Variants in PCARE observed in about 807,000 individuals in gnomAD.
PCARE encodes uncharacterized protein C2orf71.
Under a neutral mutation model 82.2 loss-of-function variants are expected in PCARE, and 72 were observed. That is an observed-to-expected ratio of 0.88 (90% CI 0.72 to 1.07). The LOEUF (loss-of-function observed/expected upper bound fraction) is 1.07. Ranked by LOEUF, PCARE falls within the 50% of genes least tolerant of loss-of-function variation. The pLI is 0.00. For synonymous variants in PCARE, 705 were observed against 634.8 expected, an observed-to-expected ratio of 1.11 and a Z score of -1.66; for missense variants, 1,768 against 1,592.4, an observed-to-expected ratio of 1.11 and a Z score of -1.88.
At position 29,063,121 on chromosome 2, in the gene PCARE, G is replaced by A. The variant is rs114193888; in HGVS notation, c.*1748C>T. ...ATTTAGGGAGAATGCCCAGATCTCT[G>A]TCGGGCAAGTTTGCTGAACCTGGTC... On this transcript the variant is annotated 3_prime_UTR_variant, in exon 2 of 2. Coordinates refer to ENST00000331664, the MANE Select transcript of PCARE (RefSeq NM_001029883.3). 2,187 of 152,478 alleles carry A rather than the reference G, an allele frequency of 0.014. 26 individuals carry two copies. The highest frequency in any genetic ancestry group is 0.057 in the South Asian group (275 of 4,832). 9.4% of individuals were successfully genotyped at this position (152,478 alleles called of 1,614,324 possible).
chr2:29,074,025 T>G lies in PCARE; in HGVS notation c.237A>C (p.Gly79=). 6.2e-7 allele frequency: 1 copy of G among 1,614,196 alleles called. No homozygotes were observed. ...CTTTCCTTTTGCCTGAAGCAGGATCTCCCATGAGCTGACAAAGACCTTTAG... is the reference window on the plus strand; with the variant it reads ...CTTTCCTTTTGCCTGAAGCAGGATCGCCCATGAGCTGACAAAGACCTTTAG... ...TTAKGLCQLM[G]DPASGKRKDM... Residue 79 remains glycine, a synonymous_variant, in exon 1 of 2, where the codon GGA becomes GGC. Transcript: ENST00000331664.
Position 29,072,527 on chromosome 2 carries a change from T to G in PCARE, c.1735A>C (p.Ser579Arg). ...GCCCTCCTGCTGCCACTTACCGTGC[T>G]AGGTCTTGGGGGGACCACTGTCCTC... ...EGRTVVPPRP[S>R]TVSGSRRAPE... is the part of the protein sequence containing the mutation. The change falls in exon 1 of 2, where the codon AGC becomes CGC. Residue 579 changes from serine (S) to arginine (R), a missense_variant. Physicochemically the swap from Ser to Arg is moderately radical, Grantham distance 110 (BLOSUM62 -1). Transcript: ENST00000331664. The G allele has an allele frequency of 6.2e-7, 1 of 1,614,208 alleles. No homozygotes were observed. Among genetic ancestry groups the G allele is most frequent in the East Asian group, 2.2e-5 (1 of 44,878 alleles).
Position 29,073,482 on chromosome 2 carries a change from G to A in PCARE, c.780C>T (p.Pro260=). 1 of 1,614,060 alleles carries A rather than the reference G, an allele frequency of 6.2e-7. No individual in the cohort carries two copies. Among genetic ancestry groups the A allele is most frequent in the Non-Finnish European group, 8.5e-7 (1 of 1,179,982 alleles). ...GTTGCAGGAGATTTGGCTGCTCCTG[G>A]GGCTCTCTTTTCTTCAAAGGCCAAG... ...DLAWPLKKRE[P]QEQPNLLQQL... The change falls in exon 1 of 2, where the codon CCC becomes CCT. Residue 260 remains proline, a synonymous_variant. Coordinates refer to ENST00000331664, the MANE Select transcript of PCARE (RefSeq NM_001029883.3).
rs376456208 is a variant in PCARE, at chr2:29,064,933, C to T, written c.3803G>A (p.Arg1268Gln). The change falls in exon 2 of 2, where the codon CGG (arginine) becomes CAG (glutamine). Residue 1268 changes from arginine (R) to glutamine (Q), a missense_variant. Transcript: ENST00000331664. Reference protein sequence around the residue: ...VLGHGLQPEPRTGHIQDKSQP... With the variant: ...VLGHGLQPEPQTGHIQDKSQP... ...GGATTTGTCCTGGATGTGGCCGGTC[C>T]GAGGCTCCGGTTGCAGCCCGTGGCC... The T allele has an allele frequency of 4.7e-5, 75 of 1,610,736 alleles. 1 individual carries two copies. The Middle Eastern group carries it at 7.7e-4, about 17-fold the overall frequency.
In PCARE at chr2:29,064,838, AC is replaced by A. The variant is rs956476835; in HGVS notation, c.*30del. On this transcript the variant is annotated 3_prime_UTR_variant, in exon 2 of 2. Transcript: ENST00000331664. The stretch of plus-strand genomic sequence containing the variant: ...CTGTCACACTTGGCCTTCTGGGGTG[AC>A]TGCGTGAGTGTGGCCCCCTCGTCAG... 1.2e-6 allele frequency: 2 copies of A among 1,607,756 alleles called. No homozygotes were observed. Among genetic ancestry groups the A allele is most frequent in the African/African-American group, 2.7e-5 (2 of 74,844 alleles).
At chr2:29,067,799 C>T (rs1667412690) in intron 1 of PCARE, among the ~76,000 whole-genome samples, 2 of 152,198 alleles carry the variant, frequency 1.3e-5, no homozygotes, top group African/African-American at 2.4e-5. Flanking sequence ...CCCACCTCAG[C>T]CTCCCAAAGT....
At chr2:29,067,391 TG>T (rs1353220540) in intron 1 of PCARE, among the ~76,000 whole-genome samples, 3 of 152,116 alleles carry the variant, frequency 2.0e-5, no homozygotes, top group Non-Finnish European at 4.4e-5. Context: ...GCAGGGGTGC[TG>T]GGGAATGAGC....
chr2:29,066,559 C>T (rs1267250266), intron 1 of PCARE, among the ~76,000 whole-genome samples: 4 of 152,234 alleles, frequency 2.6e-5, no homozygotes, highest in African/African-American at 9.6e-5. Flanking sequence ...GATGCCAAAC[C>T]AGTGGAGAAT....
In PCARE at chr2:29,063,171, C is replaced by T. The variant is rs1404357835; in HGVS notation, c.*1698G>A. ...CCATCCTCACGTGCTTACCTTGGCCCCTGCCCTGCCTGGGTGGCTGGACTT... is the reference window on the plus strand; with the variant it reads ...CCATCCTCACGTGCTTACCTTGGCCTCTGCCCTGCCTGGGTGGCTGGACTT... On this transcript the variant is annotated 3_prime_UTR_variant, in exon 2 of 2. Coordinates refer to ENST00000331664, the MANE Select transcript of PCARE (RefSeq NM_001029883.3). 6.6e-6 allele frequency: 1 copy of T among 152,432 alleles called. No individual in the cohort carries two copies. The highest frequency in any genetic ancestry group is 1.5e-5 in the Non-Finnish European group (1 of 68,190). The allele number at this position is 152,432 out of a possible 1,614,324, so 9.4% of individuals were successfully genotyped here.
Position 29,064,987 on chromosome 2 carries a change from C to G in PCARE, c.3749G>C (p.Arg1250Pro). ...CACACAGAACTCTGGGGGAGATGCA[C>G]GCCTGGTGCCGCCCTGCAGTTCAGG... is the stretch of plus-strand genomic sequence containing the variant. The part of the protein sequence containing the change: ...CSPELQGGTR[R>P]ASPPEFCVLG... The change falls in exon 2 of 2, where the codon CGT (arginine) becomes CCT (proline). Residue 1250 changes from arginine (R) to proline (P), a missense_variant. Physicochemically the swap from Arg to Pro is moderately radical, Grantham distance 103. Coordinates refer to ENST00000331664, the MANE Select transcript of PCARE (RefSeq NM_001029883.3). 1 of 1,579,414 alleles carries G rather than the reference C, an allele frequency of 6.3e-7. No individual in the cohort carries two copies. The highest frequency in any genetic ancestry group is 8.6e-7 in the Non-Finnish European group (1 of 1,162,492).
At position 29,074,167 on chromosome 2, in the gene PCARE, C is replaced by T; in HGVS notation, c.95G>A (p.Cys32Tyr). The change falls in exon 1 of 2, where the codon TGT becomes TAT. Residue 32 changes from cysteine (C) to tyrosine (Y), a missense_variant. Cys to Tyr is a radical substitution (Grantham distance 194). Transcript: ENST00000331664. ...LKKPKAIRPG[C>Y]QGGSERGSIP... ...GGAACCTCTTTCACTTCCGCCCTGA[C>T]ATCCTGGCCGAATTGCTTTGGGCTT... 2.5e-6 allele frequency: 4 copies of T among 1,609,850 alleles called. No individual in the cohort carries two copies. The highest frequency in any genetic ancestry group is 3.4e-6 in the Non-Finnish European group (4 of 1,177,324).
In PCARE at chr2:29,073,398, G is replaced by A; in HGVS notation, c.864C>T (p.Leu288=). The stretch of plus-strand genomic sequence containing the variant: ...TGGAGCCCTCCAGGAAGCTGCCGGT[G>A]AGCGAGGCCACTGTGCCATTGAGCA... The part of the protein sequence containing the change: ...LQVLNGTVAS[L]TGSFLEGSSS... Residue 288 remains leucine (L), a synonymous_variant, in exon 1 of 2, where the codon CTC becomes CTT. Coordinates refer to ENST00000331664, the MANE Select transcript of PCARE (RefSeq NM_001029883.3). The A allele has an allele frequency of 6.2e-7, 1 of 1,613,954 alleles. No homozygotes were observed. Among genetic ancestry groups the A allele is most frequent in the African/African-American group, 1.3e-5 (1 of 75,074 alleles).
rs1256927555 is a variant in PCARE at position 29,063,254 on chromosome 2, C to T, written c.*1615G>A. 1 of 152,332 alleles carries T rather than the reference C, an allele frequency of 6.6e-6. No homozygotes were observed. Among genetic ancestry groups the T allele is most frequent in the East Asian group, 1.9e-4 (1 of 5,208 alleles). 9.4% of individuals were successfully genotyped at this position (152,332 alleles called of 1,614,324 possible). A position where few individuals can be genotyped will look rare whatever the true frequency, so the allele number is the denominator to read the frequency against. On this transcript the variant is annotated 3_prime_UTR_variant, in exon 2 of 2. Coordinates refer to ENST00000331664, the MANE Select transcript of PCARE (RefSeq NM_001029883.3). ...AGTGTCCACCCAGCAGTGGGTGTGG[C>T]TTGGCTCTAGAATCGGCTGGCCTGG...
At position 29,072,922 on chromosome 2, in the gene PCARE, G is replaced by T; in HGVS notation, c.1340C>A (p.Pro447His). 1 of 1,614,174 alleles carries T rather than the reference G, an allele frequency of 6.2e-7. No individual in the cohort carries two copies. The highest frequency in any genetic ancestry group is 8.5e-7 in the Non-Finnish European group (1 of 1,180,030). Reference sequence around the variant, plus strand: ...TGGGGTGCTTGTCCCCAGCTTCAAAGGTGGGGAGGTGATATTTTCTGGGCT... The same window carrying T: ...TGGGGTGCTTGTCCCCAGCTTCAAATGTGGGGAGGTGATATTTTCTGGGCT... ...STSPENITSP[P>H]LKLGTSTPCD... The change falls in exon 1 of 2, where the codon CCT becomes CAT. Residue 447 changes from proline to histidine, a missense_variant. Coordinates refer to ENST00000331664, the MANE Select transcript of PCARE (RefSeq NM_001029883.3).
Position 29,073,703 on chromosome 2 carries a change from C to T in PCARE, c.559G>A (p.Ala187Thr), listed in dbSNP as rs376525230. The change falls in exon 1 of 2, where the codon GCT becomes ACT. Residue 187 changes from alanine to threonine, a missense_variant. Physicochemically the swap from Ala to Thr is moderately conservative, Grantham distance 58. Coordinates refer to ENST00000331664, the MANE Select transcript of PCARE (RefSeq NM_001029883.3). Reference protein sequence around the residue: ...PEPLVKAHQQAYTYLHSSLSK... With the variant: ...PEPLVKAHQQTYTYLHSSLSK... ...AGGCTGGAGTGTAGATAGGTGTAAG[C>T]CTGCTGGTGGGCCTTTACCAGAGGC... 12 of 1,613,968 alleles carry T rather than the reference C, an allele frequency of 7.4e-6. No homozygotes were observed. The African/African-American group carries it at 9.3e-5, about 13-fold the overall frequency.
intron 1 of PCARE, 150 bp downstream of exon 1, chr2:29,070,444 G>A: frequency 5.2e-6 from 5 of 954,236 alleles, no homozygotes; most frequent in Non-Finnish European, 8.1e-6. Flanking sequence ...TGGGGGAGCT[G>A]GAACTGCCCC....
Position 29,073,612 on chromosome 2 carries a change from G to A in PCARE, c.650C>T (p.Pro217Leu), listed in dbSNP as rs1558490302. 6.2e-7 allele frequency: 1 copy of A among 1,614,156 alleles called. No individual in the cohort carries two copies. Among genetic ancestry groups the A allele is most frequent in the Non-Finnish European group, 8.5e-7 (1 of 1,180,030 alleles). The change falls in exon 1 of 2, where the codon CCC becomes CTC. Residue 217 changes from proline (P) to leucine (L), a missense_variant. By Grantham distance (98) the Pro-to-Leu change is moderately conservative. Transcript: ENST00000331664. ...QATQTRELLQPMVSFLLLCFE... is the reference protein window; with the variant it reads ...QATQTRELLQLMVSFLLLCFE... ...GCACAGCAGCAAGAAGCTGACCATG[G>A]GCTGCAGCAGCTCCCGGGTCTGGGT...
rs1337974599 is a variant in PCARE, at chr2:29,064,703, T to C, written c.*166A>G. 13 of 837,290 alleles carry C rather than the reference T, an allele frequency of 1.6e-5. No homozygotes were observed. The highest frequency in any genetic ancestry group is 3.4e-5 in the African/African-American group (2 of 59,318). The allele number at this position is 837,290 out of a possible 1,614,324, so 51.9% of individuals were successfully genotyped here. On this transcript the variant is annotated 3_prime_UTR_variant, in exon 2 of 2. Coordinates refer to ENST00000331664, the MANE Select transcript of PCARE (RefSeq NM_001029883.3). ...CAAGATCTGGGACTGAAAACGGCGA[T>C]TGTTTAAAATTCAGCAGACCCACTG...
At position 29,072,884 on chromosome 2, in the gene PCARE, C is replaced by A. The variant is rs1423582920; in HGVS notation, c.1378G>T (p.Gly460Trp). ...TGTGGTTCCACAGAGACCCCAATCC[C>A]AAAGGAATCACATGGGGTGCTTGTC... ...LGTSTPCDSF[G>W]IGVSVEPHLS... Residue 460 changes from glycine (G) to tryptophan (W), a missense_variant, in exon 1 of 2, where the codon GGG (glycine) becomes TGG (tryptophan). Transcript: ENST00000331664. 6.2e-7 allele frequency: 1 copy of A among 1,614,138 alleles called. No individual in the cohort carries two copies. Among genetic ancestry groups the A allele is most frequent in the African/African-American group, 1.3e-5 (1 of 75,024 alleles).
Sources: gnomAD v4.1 joint callset for allele counts (sites outside exome capture counted in the v4.1 genomes callset) on GRCh38, gnomAD v4.1.1 for gene constraint, MANE v1.5 for transcripts, NCBI Gene and HGNC (gene_info 2026-07-23, HGNC 2026-07-21) for gene names.